The following RNF144A variants were observed in gnomAD, a reference collection of about 807,000 sequenced individuals.
RNF144A encodes the protein E3 ubiquitin-protein ligase RNF144A.
In RNF144A, 11 loss-of-function variants were observed where a neutral mutation model predicts 38.7. That is an observed-to-expected ratio of 0.28 (90% CI 0.18 to 0.47). The LOEUF (loss-of-function observed/expected upper bound fraction) is 0.47. Among genes scored for constraint, RNF144A ranks in the 20% least tolerant of loss-of-function variants. The probability of loss-of-function intolerance (pLI) is 0.99; values close to 1 mark genes in which losing one functional copy is unlikely to be tolerated. For synonymous variants in RNF144A, 149 were observed against 143.9 expected (o/e 1.04, Z -0.25); for missense variants, 316 against 377.2 (o/e 0.84, Z 1.34).
chr2:6,966,673 A>G (rs1391378262), intron 2 of RNF144A, among the ~76,000 whole-genome samples: 1 of 152,242 alleles, frequency 6.6e-6, no homozygotes, highest in African/African-American at 2.4e-5. Flanking sequence ...AAATATTGGC[A>G]TGAGAAGGGG....
At chr2:6,976,771 G>A (rs1461557386) in intron 2 of RNF144A, among the ~76,000 whole-genome samples, 1 of 151,634 alleles carries the variant, frequency 6.6e-6, no homozygotes, top group Non-Finnish European at 1.5e-5. Context: ...TCCTTTGTCT[G>A]TTGTACCATC....
Position 7,030,167 on chromosome 2 carries a change from G to T in RNF144A, c.699G>T (p.Arg233=), listed in dbSNP as rs1300953450. 1 of 1,613,942 alleles carries T rather than the reference G, an allele frequency of 6.2e-7. No individual in the cohort carries two copies. Among genetic ancestry groups the T allele is most frequent in the Non-Finnish European group, 8.5e-7 (1 of 1,179,964 alleles). The change falls in exon 8 of 9, where the codon CGG becomes CGT. Residue 233 remains arginine (R), a synonymous_variant. Transcript: ENST00000320892. The stretch of plus-strand genomic sequence containing the variant: ...TACACTACGATAAGGGACCCTGCCG[G>T]AACAAGCTGGGCCACTCCCGGGCAT... The part of the protein sequence containing the change: ...LLIHYDKGPC[R]NKLGHSRASV...
intron 3 of RNF144A, among the ~76,000 whole-genome samples, chr2:7,012,239 G>T (rs1295313238): frequency 6.6e-6 from 1 of 152,164 alleles, no homozygotes; most frequent in South Asian, 2.1e-4. Context: ...GACAAATCAC[G>T]TAAGTAGACA....
chr2:6,943,118 A>G lies in RNF144A; in HGVS notation c.-12+1971A>G, dbSNP rs1346851108. Reference sequence around the variant, plus strand: ...TTTAAGAGGGCGGTATGTGCTGGAGATGTGATAGGAGTCTTTGGCCTCTGT... The same window carrying G: ...TTTAAGAGGGCGGTATGTGCTGGAGGTGTGATAGGAGTCTTTGGCCTCTGT... On this transcript the variant is annotated intron_variant, in intron 2 of 8. Coordinates refer to ENST00000320892, the MANE Select transcript of RNF144A (RefSeq NM_014746.6). The surrounding 1 kb of genome is among the most constrained non-coding windows in gnomAD (Gnocchi z 4.3). Among the ~76,000 whole-genome samples the G allele has an allele frequency of 6.6e-6, 1 of 152,144 alleles. No individual in the cohort carries two copies. Among genetic ancestry groups the G allele is most frequent in the Non-Finnish European group, 1.5e-5 (1 of 68,028 alleles).
chr2:7,001,874 ATT>A (rs1670130892), intron 3 of RNF144A, among the ~76,000 whole-genome samples: 1 of 152,170 alleles, frequency 6.6e-6, no homozygotes, highest in African/African-American at 2.4e-5. Context: ...TAACTGTGTG[ATT>A]TTTAGCAAGC....
At chr2:6,951,392 C>T (rs1666668953) in intron 2 of RNF144A, among the ~76,000 whole-genome samples, 1 of 152,038 alleles carries the variant, frequency 6.6e-6, no homozygotes, top group Non-Finnish European at 1.5e-5. Flanking sequence ...ACTTGGCTTC[C>T]AACCTTTTCC....
chr2:7,073,260 A>C (rs1368885211), downstream of RNF144A, among the ~76,000 whole-genome samples: 1 of 151,118 alleles, frequency 6.6e-6, no homozygotes. Context: ...TCTCCTCCTC[A>C]CCCCACGTTT....
intron 6 of RNF144A, among the ~76,000 whole-genome samples, chr2:7,021,455 C>A (rs420013): frequency 0.45 from 68,269 of 151,732 alleles, 16,390 homozygotes; most frequent in South Asian, 0.75. Context: ...TTCTAGCCCC[C>A]GACCCTCTCA....
chr2:6,922,140 A>G (rs1664576284), intron 1 of RNF144A, among the ~76,000 whole-genome samples: 1 of 151,614 alleles, frequency 6.6e-6, no homozygotes, highest in Non-Finnish European at 1.5e-5. Flanking sequence ...CTGGTGGGAG[A>G]GTGAGTTCAG....
chr2:6,952,139 C>T (rs982427876), intron 2 of RNF144A, among the ~76,000 whole-genome samples: 5 of 151,984 alleles, frequency 3.3e-5, no homozygotes, highest in African/African-American at 1.2e-4. Flanking sequence ...TTATCAAAGG[C>T]CTGTTCTGCA....
At position 6,941,455 on chromosome 2, in the gene RNF144A, C is replaced by T. The variant is rs114756616; in HGVS notation, c.-12+308C>T. 3.2e-3 allele frequency among the ~76,000 whole-genome samples: 495 copies of T among 152,314 alleles called. 5 individuals carry two copies. Among genetic ancestry groups the T allele is most frequent in the African/African-American group, 0.011 (461 of 41,564 alleles). On this transcript the variant is annotated intron_variant, in intron 2 of 8. Coordinates refer to ENST00000320892, the MANE Select transcript of RNF144A (RefSeq NM_014746.6). This position sits in a 1 kb window ranked among gnomAD's most constrained non-coding sequence, Gnocchi z 6.5. ...GATCTCCCTGATTCACTAGAGAACA[C>T]GTGGATTGAGCTCCTGCGTGTGCCA...
In RNF144A at chr2:7,040,356, A is replaced by G. The variant is rs998058107; in HGVS notation, c.*596A>G. On this transcript the variant is annotated 3_prime_UTR_variant, in exon 9 of 9. Coordinates refer to ENST00000320892, the MANE Select transcript of RNF144A (RefSeq NM_014746.6). ...AGAAGTTATAGTTAAACGACTTTTC[A>G]GGAGATTTAGAAAGCCTTATGCACT... is the stretch of plus-strand genomic sequence containing the variant. 51 of 985,386 alleles carry G rather than the reference A, an allele frequency of 5.2e-5. No individual in the cohort carries two copies. The highest frequency in any genetic ancestry group is 6.1e-5 in the Admixed American group (1 of 16,272). The allele number at this position is 985,386 out of a possible 1,614,324, so 61.0% of individuals were successfully genotyped here.
intron 6 of RNF144A, among the ~76,000 whole-genome samples, chr2:7,053,179 A>G (rs749752135): frequency 1.3e-5 from 2 of 152,216 alleles, no homozygotes; most frequent in Non-Finnish European, 2.9e-5. Context: ...TACCGTTTCT[A>G]AAAATGTGGT....
At chr2:6,949,872 A>G (rs1466407201) in intron 2 of RNF144A, among the ~76,000 whole-genome samples, 1 of 152,222 alleles carries the variant, frequency 6.6e-6, no homozygotes, top group Non-Finnish European at 1.5e-5. Flanking sequence ...ATTAAACTAC[A>G]GAGAGTGTAT....
the RNF144A span, among the ~76,000 whole-genome samples, chr2:7,075,077 G>C: frequency 5.3e-5 from 8 of 152,132 alleles, no homozygotes; most frequent in Non-Finnish European, 1.2e-4. Flanking sequence ...CTACAGATTA[G>C]AAGTTGGGCA....
chr2:6,988,651 G>T (rs1343902287), intron 2 of RNF144A, among the ~76,000 whole-genome samples: 2 of 152,126 alleles, frequency 1.3e-5, no homozygotes, highest in Non-Finnish European at 2.9e-5. Context: ...ATGCCGTCGG[G>T]GTCACCTCAT....
chr2:6,979,716 T>G (rs1477252943), intron 2 of RNF144A, among the ~76,000 whole-genome samples: 4 of 152,228 alleles, frequency 2.6e-5, no homozygotes, highest in Non-Finnish European at 5.9e-5. Context: ...GTTGAGAGAC[T>G]TAGGTTTAAG....
At chr2:7,009,561 CTT>C (rs1653006916) in intron 3 of RNF144A, among the ~76,000 whole-genome samples, 1 of 149,300 alleles carries the variant, frequency 6.7e-6, no homozygotes, top group African/African-American at 2.5e-5. Flanking sequence ...TAAAAACAAA[CTT>C]TATAATTTGA....
intron 2 of RNF144A, among the ~76,000 whole-genome samples, chr2:6,959,221 A>G (rs1176185267): frequency 2.0e-5 from 3 of 152,136 alleles, no homozygotes; most frequent in African/African-American, 4.8e-5. Context: ...TCAGGGTCTC[A>G]TGAAGCCTTG....
Sources: allele counts gnomAD v4.1 joint callset (sites outside exome capture counted in the v4.1 genomes callset), GRCh38; gene constraint gnomAD v4.1.1; non-coding constraint Gnocchi (gnomAD v3.1); transcripts MANE v1.5; gene names NCBI Gene and HGNC (gene_info 2026-07-23, HGNC 2026-07-21).